TRPC4: variants seen among roughly 807,000 people sequenced by gnomAD.
TRPC4 encodes transient receptor potential cation channel subfamily C member 4, also known as short transient receptor potential channel 4.
A neutral mutation model predicts 99.4 loss-of-function variants in TRPC4; 49 were observed. The ratio of observed to expected loss-of-function variants is 0.49; its 90% CI spans 0.39 to 0.63. The LOEUF (loss-of-function observed/expected upper bound fraction) is 0.63. Ranked by LOEUF, TRPC4 falls within the 20% of genes least tolerant of loss-of-function variation. The pLI, the probability that TRPC4 is intolerant of heterozygous loss-of-function variation, is 0.00. For synonymous variants in TRPC4, 454 were observed against 425.9 expected (o/e 1.07, Z -0.81); for missense variants, 898 against 1,152.9 (o/e 0.78, Z 3.20).
intron 1 of TRPC4, among the ~76,000 whole-genome samples, chr13:37,810,053 A>G (rs1168988024): frequency 6.6e-6 from 1 of 152,150 alleles, no homozygotes; most frequent in Admixed American, 6.6e-5. Flanking sequence ...GAAACATGGC[A>G]CAATAGAAAC....
intron 6 of TRPC4, among the ~76,000 whole-genome samples, chr13:37,662,862 T>C (rs1250628282): frequency 6.6e-6 from 1 of 152,218 alleles, no homozygotes; most frequent in Non-Finnish European, 1.5e-5. Flanking sequence ...CACTGTCTAT[T>C]GCTCATCCAG....
At chr13:37,654,929 G>A (rs1246300044) in intron 7 of TRPC4, among the ~76,000 whole-genome samples, 159 bp downstream of exon 7, 2 of 152,158 alleles carry the variant, frequency 1.3e-5, no homozygotes, top group African/African-American at 2.4e-5. Flanking sequence ...CATATAGTGT[G>A]CTACTGCTCA....
At chr13:37,760,329 C>T (rs11840246) in intron 2 of TRPC4, among the ~76,000 whole-genome samples, 17,342 of 151,886 alleles carry the variant, frequency 0.11, 1,088 homozygotes, top group Admixed American at 0.18. Flanking sequence ...CCTTTTCCCT[C>T]TCACCTATCC....
intron 5 of TRPC4, among the ~76,000 whole-genome samples, chr13:37,671,627 T>C (rs1029701596): frequency 6.6e-6 from 1 of 151,500 alleles, no homozygotes; most frequent in Non-Finnish European, 1.5e-5. Flanking sequence ...TAATAGGCAC[T>C]TTAAATACAT....
intron 1 of TRPC4, among the ~76,000 whole-genome samples, chr13:37,867,705 A>G (rs1186837230): frequency 1.3e-5 from 2 of 152,214 alleles, no homozygotes; most frequent in East Asian, 3.9e-4. Context: ...AACAACATCT[A>G]GTTCACAAAA....
Position 37,718,272 on chromosome 13 carries a change from C to T in TRPC4, c.898-25937G>A, listed in dbSNP as rs572334049. ...AGATTTTAAGTATACTGACTTTAAA[C>T]TACAAAACGCACACACGCACATACA... On this transcript the variant is annotated intron_variant, in intron 3 of 10. Transcript: ENST00000379705. Among the ~76,000 whole-genome samples the T allele has an allele frequency of 1.2e-4, 18 of 151,800 alleles. No individual in the cohort carries two copies. The South Asian group carries it at 3.7e-3, about 32-fold the overall frequency.
At chr13:37,663,850 G>T (rs535312044) in intron 5 of TRPC4, 121 bp from the exon 6 acceptor site, 22 of 923,998 alleles carry the variant, frequency 2.4e-5, no homozygotes, top group South Asian at 5.5e-5. Flanking sequence ...CTTTGTTTTC[G>T]ATTTTTGAAC....
intron 1 of TRPC4, among the ~76,000 whole-genome samples, chr13:37,796,561 C>A (rs7337719): frequency 0.3 from 45,721 of 151,946 alleles, 8,595 homozygotes; most frequent in South Asian, 0.43. Context: ...TGATTCTGAA[C>A]CTGTTTTCTC....
At chr13:37,715,413 C>T (rs1954627385) in intron 3 of TRPC4, among the ~76,000 whole-genome samples, 1 of 152,070 alleles carries the variant, frequency 6.6e-6, no homozygotes, top group Non-Finnish European at 1.5e-5. Context: ...TATGAAGTGT[C>T]CAGACTCCAG....
chr13:37,769,912 A>AT (rs1053421486), intron 2 of TRPC4, among the ~76,000 whole-genome samples: 8 of 151,362 alleles, frequency 5.3e-5, no homozygotes, highest in Non-Finnish European at 1.2e-4. Context: ...CTTTACATGA[A>AT]TTTTTTCTAA....
chr13:37,699,563 G>A (rs1361514582), intron 3 of TRPC4, among the ~76,000 whole-genome samples: 4 of 152,188 alleles, frequency 2.6e-5, no homozygotes, highest in Non-Finnish European at 5.9e-5. Flanking sequence ...TAAAATGCTT[G>A]AGAATAATGA....
chr13:37,743,384 T>A (rs970609889), intron 3 of TRPC4, among the ~76,000 whole-genome samples: 3 of 152,178 alleles, frequency 2.0e-5, no homozygotes, highest in African/African-American at 7.2e-5. Flanking sequence ...GCTTCTTAGA[T>A]ACTGAAGATG....
intron 1 of TRPC4, among the ~76,000 whole-genome samples, chr13:37,812,432 G>T (rs928216692): frequency 6.6e-6 from 1 of 151,834 alleles, no homozygotes. Flanking sequence ...AGCAAGAAAA[G>T]CTACATTATG....
At chr13:37,801,367 C>T (rs1957395969) in intron 1 of TRPC4, among the ~76,000 whole-genome samples, 1 of 152,104 alleles carries the variant, frequency 6.6e-6, no homozygotes, top group Non-Finnish European at 1.5e-5. Flanking sequence ...TCATCCTTCA[C>T]TCCACTTCTT....
intron 1 of TRPC4, among the ~76,000 whole-genome samples, chr13:37,815,205 G>C (rs931713886): frequency 6.6e-6 from 1 of 151,578 alleles, no homozygotes; most frequent in Non-Finnish European, 1.5e-5. Context: ...TAAATGTTAA[G>C]AGCTCAAACT....
chr13:37,673,647 A>G (rs1280934324), intron 5 of TRPC4, among the ~76,000 whole-genome samples: 3 of 152,192 alleles, frequency 2.0e-5, no homozygotes, highest in Non-Finnish European at 4.4e-5. Flanking sequence ...TGTTTTATGC[A>G]AATTATGAGG....
At chr13:37,807,315 C>G (rs1835758236) in intron 1 of TRPC4, among the ~76,000 whole-genome samples, 1 of 151,940 alleles carries the variant, frequency 6.6e-6, no homozygotes, top group Non-Finnish European at 1.5e-5. Context: ...TCCACTGGAG[C>G]ATTTGGATTA....
At chr13:37,732,848 A>T (rs576637082) in intron 3 of TRPC4, among the ~76,000 whole-genome samples, 1 of 152,238 alleles carries the variant, frequency 6.6e-6, no homozygotes, top group African/African-American at 2.4e-5. Context: ...TGCCATGCTC[A>T]CAGATCAAAA....
chr13:37,703,426 A>G (rs552646068), intron 3 of TRPC4, among the ~76,000 whole-genome samples: 1 of 152,268 alleles, frequency 6.6e-6, no homozygotes, highest in Admixed American at 6.6e-5. Flanking sequence ...ACCAAAAAAA[A>G]CCAGTGTTTT....
Sources: allele counts gnomAD v4.1 joint callset (sites outside exome capture counted in the v4.1 genomes callset), GRCh38; gene constraint gnomAD v4.1.1; transcripts MANE v1.5; gene names NCBI Gene and HGNC (gene_info 2026-07-23, HGNC 2026-07-21).